The following ERCC6 variants were observed in gnomAD, a reference collection of about 807,000 sequenced individuals.
ERCC6 encodes ERCC excision repair 6, chromatin remodeling factor.
ERCC6 carries 116 observed loss-of-function variants against 158.7 expected under a neutral mutation model. That is an observed-to-expected ratio of 0.73 (90% CI 0.63 to 0.85). ERCC6 has a LOEUF of 0.85. Among genes scored for constraint, ERCC6 ranks in the 40% least tolerant of loss-of-function variants. The probability of loss-of-function intolerance (pLI) is 0.00; values close to 1 mark genes in which losing one functional copy is unlikely to be tolerated. For missense variants in ERCC6, 1,698 were observed against 1,799.4 expected (o/e 0.94, Z 1.02); for synonymous variants, 678 against 659.3 (o/e 1.03, Z -0.43).
chr10:49,526,452 G>C (rs890980489), intron 4 of ERCC6, among the ~76,000 whole-genome samples: 3 of 151,666 alleles, frequency 2.0e-5, no homozygotes, highest in Admixed American at 6.6e-5. Flanking sequence ...ATGATTTCTA[G>C]TTCTTTATAC....
chr10:49,450,837 A>C (rs1684532571), downstream of ERCC6, among the ~76,000 whole-genome samples: 1 of 149,292 alleles, frequency 6.7e-6, no homozygotes, highest in Admixed American at 6.7e-5. Flanking sequence ...TTTGAGATGG[A>C]GTCTCGCTTT....
chr10:49,538,741 C>T (rs911025621), intron 1 of ERCC6, among the ~76,000 whole-genome samples: 1 of 152,242 alleles, frequency 6.6e-6, no homozygotes. Context: ...CGGCCAGGGA[C>T]TCAAGCCGCC....
intron 4 of ERCC6, among the ~76,000 whole-genome samples, chr10:49,527,472 C>T (rs1165384763): frequency 3.9e-5 from 6 of 152,124 alleles, no homozygotes; most frequent in African/African-American, 1.4e-4. Flanking sequence ...GTCAGGAGTT[C>T]GAGACCAGCT....
At chr10:49,492,404 T>C (rs1851190387) in intron 8 of ERCC6, among the ~76,000 whole-genome samples, 1 of 152,192 alleles carries the variant, frequency 6.6e-6, no homozygotes, top group Non-Finnish European at 1.5e-5. Flanking sequence ...GCGTGATTAT[T>C]ATTTATTCAG....
chr10:49,453,264 C>T (rs1389973268), downstream of ERCC6, among the ~76,000 whole-genome samples: 2 of 152,110 alleles, frequency 1.3e-5, no homozygotes, highest in Non-Finnish European at 2.9e-5. Flanking sequence ...TAGAATTACA[C>T]AAGCTTAACT....
At chr10:49,516,972 C>G in intron 5 of ERCC6, 1 of 1,614,014 alleles carries the variant, frequency 6.2e-7, no homozygotes, top group Non-Finnish European at 8.5e-7. Flanking sequence ...ATTTATTGTT[C>G]CACCTTCTTC....
At chr10:49,437,832 A>C in the ERCC6 span, among the ~76,000 whole-genome samples, 1 of 152,192 alleles carries the variant, frequency 6.6e-6, no homozygotes, top group African/African-American at 2.4e-5. Context: ...AAAAACATGG[A>C]AATAGTCTTA....
At chr10:49,531,212 G>T (rs4253024) in intron 2 of ERCC6, among the ~76,000 whole-genome samples, 3 of 151,970 alleles carry the variant, frequency 2.0e-5, no homozygotes, top group Non-Finnish European at 4.4e-5. Context: ...AGCCCGTTAC[G>T]GAAGCCTTCC....
At chr10:49,497,113 G>A (rs1171206151) in intron 7 of ERCC6, among the ~76,000 whole-genome samples, 1 of 152,200 alleles carries the variant, frequency 6.6e-6, no homozygotes, top group Non-Finnish European at 1.5e-5. Flanking sequence ...AAGAGACTCC[G>A]ACACTCTTCC....
the ERCC6 span, among the ~76,000 whole-genome samples, chr10:49,445,461 A>G: frequency 6.6e-6 from 1 of 152,254 alleles, no homozygotes; most frequent in Admixed American, 6.5e-5. Flanking sequence ...CTTTAGAACT[A>G]TAAAGATAAT....
chr10:49,515,640 T>G (rs1419304323), intron 5 of ERCC6: 1 of 1,613,998 alleles, frequency 6.2e-7, no homozygotes, highest in Non-Finnish European at 8.5e-7. Context: ...TAAGACCAGT[T>G]CGAAACAGAA....
At position 49,458,643 on chromosome 10, in the gene ERCC6, C is replaced by T. The variant is rs1850522102; in HGVS notation, c.*172G>A. On this transcript the variant is annotated 3_prime_UTR_variant, in exon 21 of 21. Coordinates refer to ENST00000355832, the MANE Select transcript of ERCC6 (RefSeq NM_000124.4). ...TAGCTAGCATTATTAAAACTTTTAA[C>T]TTTCAGAGAAGAGTTTCTTCTTCCT... 1.5e-6 allele frequency: 1 copy of T among 665,508 alleles called. No individual in the cohort carries two copies. Among genetic ancestry groups the T allele is most frequent in the Non-Finnish European group, 2.5e-6 (1 of 399,180 alleles). 41.2% of individuals were successfully genotyped at this position (665,508 alleles called of 1,614,324 possible).
At chr10:49,451,106 C>T (rs867286488), downstream of ERCC6, among the ~76,000 whole-genome samples, 10 of 151,862 alleles carry the variant, frequency 6.6e-5, no homozygotes, top group African/African-American at 2.2e-4. Flanking sequence ...CCACCATGCC[C>T]GGCCCAACTG....
At chr10:49,528,929 GGCCATAAGAT>G (rs1374390621) in intron 3 of ERCC6, among the ~76,000 whole-genome samples, 1 of 152,160 alleles carries the variant, frequency 6.6e-6, no homozygotes, top group East Asian at 1.9e-4. Context: ...GAAGTCAACA[GGCCATAAGAT>G]AAGAAATAAA....
At chr10:49,509,012 G>T (rs1263176824) in intron 5 of ERCC6, among the ~76,000 whole-genome samples, 2 of 152,154 alleles carry the variant, frequency 1.3e-5, no homozygotes, top group Non-Finnish European at 2.9e-5. Context: ...AACATCCTGG[G>T]TTTGACATAT....
intron 3 of ERCC6, 31 bp from the exon 4 acceptor site, chr10:49,528,556 A>G (rs753069179): frequency 5.0e-6 from 8 of 1,611,706 alleles, no homozygotes; most frequent in Non-Finnish European, 5.9e-6. Context: ...GACAGAAAAC[A>G]GCAATGAAGT....
intron 7 of ERCC6, among the ~76,000 whole-genome samples, chr10:49,496,853 T>C (rs954367588): frequency 1.7e-4 from 26 of 152,168 alleles, no homozygotes. Flanking sequence ...TACAAATAAC[T>C]GAAGAGTAAA....
intron 7 of ERCC6, among the ~76,000 whole-genome samples, chr10:49,498,704 G>C (rs1444359892): frequency 6.6e-6 from 1 of 152,158 alleles, no homozygotes; most frequent in Non-Finnish European, 1.5e-5. Context: ...TTCATTATTA[G>C]CCTTGACTTC....
chr10:49,450,965 C>A (rs555576944), downstream of ERCC6, among the ~76,000 whole-genome samples: 2 of 152,170 alleles, frequency 1.3e-5, no homozygotes, highest in South Asian at 2.1e-4. Flanking sequence ...GCACCCGCCA[C>A]CACGCCTGGC....
Sources: allele counts gnomAD v4.1 joint callset (sites outside exome capture counted in the v4.1 genomes callset), GRCh38; gene constraint gnomAD v4.1.1; transcripts MANE v1.5; gene names NCBI Gene and HGNC (gene_info 2026-07-23, HGNC 2026-07-21).